The following ADGRL2 variants were observed in gnomAD, a reference collection of about 807,000 sequenced individuals.
ADGRL2 encodes adhesion G protein-coupled receptor L2.
Under a neutral mutation model 157.4 loss-of-function variants are expected in ADGRL2, and 44 were observed. The ratio of observed to expected loss-of-function variants is 0.28; its 90% CI spans 0.22 to 0.36. The LOEUF (loss-of-function observed/expected upper bound fraction) is 0.36. ADGRL2 is among the 10% of genes least tolerant of loss of function. The pLI is 1.00. For synonymous variants in ADGRL2, 585 were observed against 624.7 expected (o/e 0.94, Z 0.95); for missense variants, 1,510 against 1,768.9 (o/e 0.85, Z 2.63).
intron 2 of ADGRL2, among the ~76,000 whole-genome samples, chr1:81,883,647 A>G (rs980759190): frequency 6.6e-6 from 1 of 152,158 alleles, no homozygotes; most frequent in Non-Finnish European, 1.5e-5. Flanking sequence ...TACTGCACAG[A>G]ACTTTTGTTT....
At chr1:81,853,748 T>A (rs2093102602) in intron 2 of ADGRL2, among the ~76,000 whole-genome samples, 1 of 152,102 alleles carries the variant, frequency 6.6e-6, no homozygotes, top group Admixed American at 6.6e-5. Context: ...TGATATAAGG[T>A]TAAGGTTTTT....
At chr1:81,791,726 G>T (rs1179665330) in intron 2 of ADGRL2, among the ~76,000 whole-genome samples, 3 of 152,020 alleles carry the variant, frequency 2.0e-5, no homozygotes, top group Non-Finnish European at 4.4e-5. Context: ...TAATTTTCCT[G>T]CAGGTTTAAA....
chr1:81,909,631 G>T (rs545956495), intron 3 of ADGRL2, among the ~76,000 whole-genome samples: 1 of 152,052 alleles, frequency 6.6e-6, no homozygotes, highest in East Asian at 1.9e-4. Context: ...AATATTAAGT[G>T]AGAATTTCTG....
At chr1:81,374,578 G>GAAAAAAAGAAAAAAA (rs1553158621) in intron 1 of ADGRL2, among the ~76,000 whole-genome samples, 1 of 130,256 alleles carries the variant, frequency 7.7e-6, no homozygotes, top group African/African-American at 3.0e-5. Flanking sequence ...TCTCAAAAAA[G>GAAAAAAAGAAAAAAA]AAAAAAAAAA....
At chr1:81,915,696 A>G (rs10518661) in intron 3 of ADGRL2, among the ~76,000 whole-genome samples, 10,134 of 152,218 alleles carry the variant, frequency 0.067, 343 homozygotes, top group South Asian at 0.093. Context: ...AGTTTTTGAA[A>G]GCAAAGCCAT....
chr1:81,467,649 A>G (rs982813262), intron 2 of ADGRL2, among the ~76,000 whole-genome samples: 3 of 152,084 alleles, frequency 2.0e-5, no homozygotes, highest in South Asian at 2.1e-4. Context: ...TCCATGACCA[A>G]TCAGTATTAT....
At chr1:81,668,124 A>G (rs1219697540) in intron 3 of ADGRL2, among the ~76,000 whole-genome samples, 1 of 152,182 alleles carries the variant, frequency 6.6e-6, no homozygotes, top group Non-Finnish European at 1.5e-5. Flanking sequence ...GAAGTATTTC[A>G]TATAAGCAAG....
intron 1 of ADGRL2, among the ~76,000 whole-genome samples, chr1:81,757,184 A>T (rs1274781042): frequency 6.6e-6 from 1 of 152,164 alleles, no homozygotes; most frequent in Non-Finnish European, 1.5e-5. Context: ...CCTCAGCAGG[A>T]GGAATTTTAA....
At chr1:81,576,207 A>G (rs1390286721) in intron 2 of ADGRL2, among the ~76,000 whole-genome samples, 4 of 152,222 alleles carry the variant, frequency 2.6e-5, no homozygotes, top group South Asian at 2.1e-4. Context: ...CAAAAATTCA[A>G]TGATCTGGGT....
intron 3 of ADGRL2, among the ~76,000 whole-genome samples, chr1:81,685,558 T>C (rs904749796): frequency 2.0e-5 from 3 of 152,098 alleles, no homozygotes; most frequent in African/African-American, 7.2e-5. Context: ...GTTTTCAAGG[T>C]GAAGGACCAT....
intron 2 of ADGRL2, among the ~76,000 whole-genome samples, chr1:81,449,214 A>G (rs2077660570): frequency 6.6e-6 from 1 of 151,062 alleles, no homozygotes; most frequent in Non-Finnish European, 1.5e-5. Flanking sequence ...CTAAATAACC[A>G]GTGATACTAT....
chr1:81,700,872 G>A (rs2083555877), intron 1 of ADGRL2, among the ~76,000 whole-genome samples: 1 of 152,232 alleles, frequency 6.6e-6, no homozygotes. Context: ...GGAAGGCAAA[G>A]CTGAAGATAT....
At chr1:81,431,288 AC>A (rs2077316033) in intron 1 of ADGRL2, among the ~76,000 whole-genome samples, 1 of 152,142 alleles carries the variant, frequency 6.6e-6, no homozygotes, top group African/African-American at 2.4e-5. Context: ...AAGGGAATTG[AC>A]TACTAGTGGC....
At chr1:81,727,848 CTT>C (rs900997239) in intron 1 of ADGRL2, among the ~76,000 whole-genome samples, 3 of 151,880 alleles carry the variant, frequency 2.0e-5, no homozygotes, top group Non-Finnish European at 4.4e-5. Flanking sequence ...AAGTAAAACT[CTT>C]AGGTAAAAAG....
intron 2 of ADGRL2, among the ~76,000 whole-genome samples, chr1:81,537,224 A>T (rs1297305486): frequency 6.6e-6 from 1 of 152,182 alleles, no homozygotes; most frequent in African/African-American, 2.4e-5. Context: ...AAACACATAC[A>T]TCTGTGCCTT....
chr1:81,393,047 T>C (rs190895407), intron 1 of ADGRL2, among the ~76,000 whole-genome samples: 2 of 152,256 alleles, frequency 1.3e-5, no homozygotes, highest in Admixed American at 1.3e-4. Flanking sequence ...AATTTCAACA[T>C]TGTTGATGTT....
At chr1:81,322,793 A>G (rs549403491) in intron 1 of ADGRL2, among the ~76,000 whole-genome samples, 2 of 152,288 alleles carry the variant, frequency 1.3e-5, no homozygotes, top group African/African-American at 4.8e-5. Context: ...ACCTAGAAAA[A>G]AGAAGACTAA....
intron 1 of ADGRL2, among the ~76,000 whole-genome samples, chr1:81,734,625 A>G (rs962478155): frequency 6.8e-6 from 1 of 147,728 alleles, no homozygotes; most frequent in Non-Finnish European, 1.5e-5. Flanking sequence ...AGTTATTGGT[A>G]CTGGAAAATA....
intron 2 of ADGRL2, among the ~76,000 whole-genome samples, chr1:81,553,197 T>TA (rs1163847467): frequency 2.0e-5 from 3 of 152,314 alleles, no homozygotes; most frequent in African/African-American, 7.2e-5. Context: ...ATTGAATTGA[T>TA]AAAAAATTAA....
Sources: allele counts gnomAD v4.1 joint callset (sites outside exome capture counted in the v4.1 genomes callset), GRCh38; gene constraint gnomAD v4.1.1; transcripts MANE v1.5; gene names NCBI Gene and HGNC (gene_info 2026-07-23, HGNC 2026-07-21).